ENPP1: variants seen among roughly 807,000 people sequenced by gnomAD.
ENPP1 encodes the protein ectonucleotide pyrophosphatase/phosphodiesterase family member 1.
Under a neutral mutation model 122.8 loss-of-function variants are expected in ENPP1, and 73 were observed. The ratio of observed to expected loss-of-function variants is 0.59; its 90% CI spans 0.49 to 0.72. The LOEUF is 0.72. Among genes scored for constraint, ENPP1 ranks in the 30% least tolerant of loss-of-function variants. The probability of loss-of-function intolerance (pLI) is 0.00; values close to 1 mark genes in which losing one functional copy is unlikely to be tolerated. For synonymous variants in ENPP1, 367 were observed against 391.6 expected, an observed-to-expected ratio of 0.94 and a Z score of 0.74; for missense variants, 978 against 1,128.1, an observed-to-expected ratio of 0.87 and a Z score of 1.91.
intron 10 of ENPP1, 76 bp from the exon 11 acceptor site, chr6:131,864,790 A>G: frequency 1.0e-6 from 1 of 982,870 alleles, no homozygotes; most frequent in African/African-American, 1.6e-5. Flanking sequence ...AATCCCTATC[A>G]ATTGATGAAT....
chr6:131,837,795 G>A (rs1200966202), intron 1 of ENPP1, among the ~76,000 whole-genome samples: 1 of 152,140 alleles, frequency 6.6e-6, no homozygotes, highest in Non-Finnish European at 1.5e-5. Context: ...AATTATCATA[G>A]TAGATGTTCC....
intron 1 of ENPP1, among the ~76,000 whole-genome samples, chr6:131,846,392 A>G (rs1034582125): frequency 6.6e-6 from 1 of 151,784 alleles, no homozygotes; most frequent in Non-Finnish European, 1.5e-5. Context: ...CCTTCGTGGA[A>G]CCCTTCTTTA....
At chr6:131,817,554 G>T (rs892974211) in intron 1 of ENPP1, among the ~76,000 whole-genome samples, 1 of 152,090 alleles carries the variant, frequency 6.6e-6, no homozygotes, top group African/African-American at 2.4e-5. Context: ...ATTTTGAAAT[G>T]TAGTAGAATA....
intron 14 of ENPP1, among the ~76,000 whole-genome samples, 168 bp downstream of exon 14, chr6:131,872,269 A>G (rs1476623092): frequency 6.6e-6 from 1 of 152,138 alleles, no homozygotes; most frequent in African/African-American, 2.4e-5. Flanking sequence ...TCGTATCCCA[A>G]TAATCCAGGT....
chr6:131,862,282 A>G (rs1156430054), intron 9 of ENPP1, among the ~76,000 whole-genome samples: 5 of 152,206 alleles, frequency 3.3e-5, no homozygotes, highest in Non-Finnish European at 7.3e-5. Flanking sequence ...TCGGGCAGAC[A>G]TGAAAAATGA....
At chr6:131,869,854 T>TAAAAAAA (rs757712283) in intron 13 of ENPP1, among the ~76,000 whole-genome samples, 1 of 99,050 alleles carries the variant, frequency 1.0e-5, no homozygotes, top group Non-Finnish European at 2.1e-5. Flanking sequence ...AGACTTGGTC[T>TAAAAAAA]AAAAAAAAAA....
At chr6:131,886,926 CTTT>C (rs60409660) in intron 24 of ENPP1, among the ~76,000 whole-genome samples, 16 of 110,618 alleles carry the variant, frequency 1.4e-4, no homozygotes, top group Admixed American at 2.8e-4. Flanking sequence ...TTACTTTTTT[CTTT>C]TTTTTTTTTT....
rs1298488526 is a variant in ENPP1 at position 131,890,434 on chromosome 6, T to C, written c.2701T>C (p.Tyr901His). Residue 901 changes from tyrosine to histidine, a missense_variant, in exon 25 of 25, where the codon TAT becomes CAT. By Grantham distance (83) the Tyr-to-His change is moderately conservative. Around this residue, in one of 3 missense-constraint regions of ENPP1, gnomAD observed 644 missense variants for 781.5 expected, o/e 0.82. Transcript: ENST00000647893. ...DVEHITGLSF[Y>H]QQRKEPVSDI... ...TGAGCACATCACTGGACTCAGCTTC[T>C]ATCAACAAAGAAAAGAGCCAGTTTC... The C allele has an allele frequency of 1.2e-6, 2 of 1,613,672 alleles. No individual in the cohort carries two copies. The highest frequency in any genetic ancestry group is 1.7e-5 in the Admixed American group (1 of 60,012).
intron 1 of ENPP1, chr6:131,827,440 G>GACT (rs1013300013): frequency 3.4e-5 from 23 of 681,900 alleles, no homozygotes; most frequent in Non-Finnish European, 5.6e-5. Flanking sequence ...GAGGAGGTCA[G>GACT]ACTGTAGAGT....
intron 24 of ENPP1, 120 bp from the exon 25 acceptor site, chr6:131,890,221 G>A: frequency 1.3e-6 from 1 of 797,578 alleles, no homozygotes; most frequent in South Asian, 1.4e-5. Flanking sequence ...CAAATCATGT[G>A]GCACGTTCCA....
At position 131,877,432 on chromosome 6, in the gene ENPP1, C is replaced by T. The variant is rs41286154; in HGVS notation, c.1893+271C>T. ...GAAGTCTAGTTAGTTGACTTGGGTA[C>T]GGGTGTGGAGAAGTCTAGTTCAGTT... On this transcript the variant is annotated intron_variant, in intron 18 of 24. Transcript: ENST00000647893. 0.048 allele frequency: 23,202 copies of T among 478,786 alleles called. 783 individuals carry two copies. Among genetic ancestry groups the T allele is most frequent in the African/African-American group, 0.11 (5,714 of 51,144 alleles). 29.7% of individuals were successfully genotyped at this position (478,786 alleles called of 1,614,324 possible). A position where few individuals can be genotyped will look rare whatever the true frequency, so the allele number is the denominator to read the frequency against.
chr6:131,886,667 C>T lies in ENPP1; in HGVS notation c.2550C>T (p.Asn850=), dbSNP rs774374199. The change falls in exon 24 of 25, where the codon AAC becomes AAT. Residue 850 remains asparagine (N), a synonymous_variant. Transcript: ENST00000647893. ...DTSQTPLHCE[N]LDTLAFILPH... ...CTCAGACGCCTTTGCACTGTGAAAA[C>T]CTAGACACCTTAGCTTTCATTTTGC... 8 of 1,613,928 alleles carry T rather than the reference C, an allele frequency of 5.0e-6. No homozygotes were observed. In the South Asian group the frequency reaches 7.7e-5, roughly 16 times the overall value.
intron 23 of ENPP1, 36 bp from the exon 24 acceptor site, chr6:131,886,526 T>C: frequency 5.3e-6 from 8 of 1,504,610 alleles, no homozygotes; most frequent in Non-Finnish European, 7.4e-6. Context: ...AAGATAGTTA[T>C]TTCTTTCTTA....
At chr6:131,825,297 T>G (rs1394636329) in intron 1 of ENPP1, among the ~76,000 whole-genome samples, 1 of 152,080 alleles carries the variant, frequency 6.6e-6, no homozygotes, top group Non-Finnish European at 1.5e-5. Flanking sequence ...ACACTGTCTT[T>G]TTGTTGTTGT....
chr6:131,849,399 C>G (rs889321636), intron 2 of ENPP1, among the ~76,000 whole-genome samples: 6 of 152,086 alleles, frequency 3.9e-5, no homozygotes, highest in African/African-American at 1.4e-4. Context: ...GTTAGGAAAG[C>G]TTTTTAGAGG....
intron 1 of ENPP1, chr6:131,828,156 G>A: frequency 1.7e-6 from 1 of 581,004 alleles, no homozygotes. Flanking sequence ...AGTGGGATCG[G>A]AAACTGATGT....
intron 24 of ENPP1, 39 bp downstream of exon 24, chr6:131,886,763 T>C: frequency 6.4e-7 from 1 of 1,569,882 alleles, no homozygotes; most frequent in Non-Finnish European, 8.8e-7. Flanking sequence ...ATGTTGAAAA[T>C]CTAGACATAT....
chr6:131,878,188 A>G (rs1782259916), intron 18 of ENPP1, among the ~76,000 whole-genome samples: 1 of 151,942 alleles, frequency 6.6e-6, no homozygotes, highest in Non-Finnish European at 1.5e-5. Context: ...TGAGACCAGG[A>G]GTTCAAGACC....
chr6:131,823,030 C>T (rs1431327754), intron 1 of ENPP1, among the ~76,000 whole-genome samples: 2 of 152,290 alleles, frequency 1.3e-5, no homozygotes, highest in Admixed American at 6.5e-5. Context: ...TAACAGTAGA[C>T]GTTAATCAAT....
Sources: allele counts gnomAD v4.1 joint callset (sites outside exome capture counted in the v4.1 genomes callset), GRCh38; gene constraint gnomAD v4.1.1; regional missense constraint gnomAD v4.1.1; transcripts MANE v1.5; gene names NCBI Gene and HGNC (gene_info 2026-07-23, HGNC 2026-07-21).